RNF4: variants seen among roughly 807,000 people sequenced by gnomAD.
RNF4 encodes the protein E3 ubiquitin-protein ligase RNF4.
In RNF4, 7 loss-of-function variants were observed where a neutral mutation model predicts 24.3. That is an observed-to-expected ratio of 0.29 (90% CI 0.16 to 0.54). The LOEUF (loss-of-function observed/expected upper bound fraction) is 0.54, where lower values mean the gene tolerates loss of function less well. RNF4 is among the 20% of genes least tolerant of loss of function. The probability of loss-of-function intolerance (pLI) is 0.95; values close to 1 mark genes in which losing one functional copy is unlikely to be tolerated. For synonymous variants in RNF4, 83 were observed against 84.3 expected (o/e 0.98, Z 0.09); for missense variants, 209 against 248.5 (o/e 0.84, Z 1.07).
intron 2 of RNF4, 66 bp from the exon 3 acceptor site, chr4:2,496,941 T>G (rs1735755075): frequency 8.3e-7 from 1 of 1,200,934 alleles, no homozygotes; most frequent in Non-Finnish European, 1.2e-6. Flanking sequence ...TATTGCCCAT[T>G]TAGTTCTTCC....
intron 1 of RNF4, among the ~76,000 whole-genome samples, chr4:2,483,838 T>G (rs1735315250): frequency 6.6e-6 from 1 of 151,896 alleles, no homozygotes. Flanking sequence ...GATTTTTATT[T>G]ATTTATTTAT....
rs1048727 is a variant in RNF4 at position 2,515,496 on chromosome 4, A to G, written c.*1677A>G. On this transcript the variant is annotated 3_prime_UTR_variant, in exon 8 of 8. Transcript: ENST00000314289. ...TAACTTTCTTCTGGGCATCACGGCA[A>G]TGTCACGATGCCCAGACTTGGAGCA... 28,854 of 152,324 alleles carry G rather than the reference A, an allele frequency of 0.19. 3,350 individuals carry two copies. The highest frequency in any genetic ancestry group is 0.3 in the Middle Eastern group (89 of 294). The allele number at this position is 152,324 out of a possible 1,614,324, so 9.4% of individuals were successfully genotyped here.
At chr4:2,504,604 G>A (rs913078781) in intron 4 of RNF4, among the ~76,000 whole-genome samples, 3 of 151,280 alleles carry the variant, frequency 2.0e-5, no homozygotes, top group Admixed American at 2.0e-4. Flanking sequence ...AGGCTGGAGT[G>A]CAGTGGCGTG....
chr4:2,499,101 G>T (rs1226623314), intron 3 of RNF4, among the ~76,000 whole-genome samples: 1 of 151,768 alleles, frequency 6.6e-6, no homozygotes, highest in Non-Finnish European at 1.5e-5. Flanking sequence ...GGAGGTTGAT[G>T]CAGGAGAATC....
At chr4:2,489,337 C>T (rs1735510160) in intron 1 of RNF4, among the ~76,000 whole-genome samples, 1 of 152,178 alleles carries the variant, frequency 6.6e-6, no homozygotes, top group Non-Finnish European at 1.5e-5. Flanking sequence ...AGGAGGATGA[C>T]ACGGCACAGC....
At chr4:2,507,704 A>G (rs990127557) in intron 4 of RNF4, among the ~76,000 whole-genome samples, 1 of 152,178 alleles carries the variant, frequency 6.6e-6, no homozygotes, top group African/African-American at 2.4e-5. Flanking sequence ...CTGTGCTTTT[A>G]GAAGCACAAA....
At chr4:2,499,559 A>T in intron 3 of RNF4, 1 of 242,178 alleles carries the variant, frequency 4.1e-6, no homozygotes, top group Non-Finnish European at 8.4e-6. Context: ...TACAGGTGTG[A>T]ACCACTGTGC....
Position 2,494,032 on chromosome 4 carries a change from G to A in RNF4, c.10-2975G>A, listed in dbSNP as rs148003108. ...TACTTTTTGTGTTATTAGTAGAGAC[G>A]GGGTTTCAGCATCTTGGCCAGGCTG... On this transcript the variant is annotated intron_variant, in intron 2 of 7. Transcript: ENST00000314289. 1.5e-3 allele frequency among the ~76,000 whole-genome samples: 228 copies of A among 151,858 alleles called. 1 individual carries two copies. Among genetic ancestry groups the A allele is most frequent in the African/African-American group, 5.2e-3 (217 of 41,416 alleles).
At chr4:2,511,609 C>G (rs1385171476) in intron 4 of RNF4, among the ~76,000 whole-genome samples, 1 of 128,376 alleles carries the variant, frequency 7.8e-6, no homozygotes, top group African/African-American at 3.0e-5. Context: ...GCAGTCAGCA[C>G]ATGGTGTGGC....
rs749959103 is a variant in RNF4 at position 2,490,487 on chromosome 4, G to A, written c.-7G>A. On this transcript the variant is annotated 5_prime_UTR_variant, in exon 2 of 8. Transcript: ENST00000314289. The stretch of plus-strand genomic sequence containing the variant: ...TCTGTAGGAAAGGAAAGGCACCAAA[G>A]AGCACAATGAGTACAGTAAGTTTTA... The A allele has an allele frequency of 1.8e-5, 29 of 1,612,412 alleles. No individual in the cohort carries two copies. The highest frequency in any genetic ancestry group is 2.5e-5 in the Non-Finnish European group (29 of 1,179,228).
intron 4 of RNF4, among the ~76,000 whole-genome samples, chr4:2,504,112 C>T (rs1442606650): frequency 3.9e-5 from 6 of 152,106 alleles, no homozygotes; most frequent in Non-Finnish European, 1.5e-5. Flanking sequence ...TTCCAACTTT[C>T]GAAGGAATTC....
At chr4:2,493,370 G>A (rs1454977020) in intron 2 of RNF4, among the ~76,000 whole-genome samples, 2 of 152,158 alleles carry the variant, frequency 1.3e-5, no homozygotes, top group African/African-American at 2.4e-5. Context: ...GTAATTATCC[G>A]TGAGGGGAGA....
At chr4:2,475,275 C>G (rs1346184273) in intron 1 of RNF4, among the ~76,000 whole-genome samples, 1 of 152,244 alleles carries the variant, frequency 6.6e-6, no homozygotes, top group Non-Finnish European at 1.5e-5. Flanking sequence ...AAGAGATCCT[C>G]TCACCTCAGC....
chr4:2,488,308 A>G (rs2108759505), intron 1 of RNF4, among the ~76,000 whole-genome samples: 1 of 152,310 alleles, frequency 6.6e-6, no homozygotes, highest in African/African-American at 2.4e-5. Context: ...TACTAAAAGT[A>G]GAAAAATTAG....
rs1736314193 is a variant in RNF4 at position 2,513,080 on chromosome 4, T to C, written c.375-3T>C. ...AAACTAACGTGAAGCACTGTGCTCT[T>C]AGGCCCTCAGGTACTGTCAGTTGTC... On this transcript the variant is annotated splice_polypyrimidine_tract_variant and splice_region_variant and intron_variant, in intron 6 of 7. Coordinates refer to ENST00000314289, the MANE Select transcript of RNF4 (RefSeq NM_002938.5). The C allele has an allele frequency of 6.2e-7, 1 of 1,613,768 alleles. No individual in the cohort carries two copies. Among genetic ancestry groups the C allele is most frequent in the African/African-American group, 1.3e-5 (1 of 75,034 alleles).
intron 1 of RNF4, among the ~76,000 whole-genome samples, chr4:2,483,530 G>A (rs555214129): frequency 6.6e-6 from 1 of 152,302 alleles, no homozygotes; most frequent in Non-Finnish European, 1.5e-5. Context: ...GTGAACAGGT[G>A]CGGTGGCTCA....
intron 1 of RNF4, among the ~76,000 whole-genome samples, chr4:2,482,177 T>C (rs886608067): frequency 1.3e-5 from 2 of 152,238 alleles, no homozygotes; most frequent in Admixed American, 6.5e-5. Context: ...AGGCCCCCTC[T>C]GGTGTGCCCT....
chr4:2,502,374 G>A (rs1241598135), intron 4 of RNF4, among the ~76,000 whole-genome samples: 4 of 152,100 alleles, frequency 2.6e-5, no homozygotes, highest in African/African-American at 9.7e-5. Flanking sequence ...TCACACTTGT[G>A]TTTTCTTTTG....
At chr4:2,510,073 C>T (rs763190952) in intron 4 of RNF4, among the ~76,000 whole-genome samples, 39 of 152,214 alleles carry the variant, frequency 2.6e-4, no homozygotes, top group Non-Finnish European at 4.7e-4. Flanking sequence ...TCACCGTCTG[C>T]AGTCTCCTCT....
Sources: gnomAD v4.1 joint callset for allele counts (sites outside exome capture counted in the v4.1 genomes callset) on GRCh38, gnomAD v4.1.1 for gene constraint, MANE v1.5 for transcripts, NCBI Gene and HGNC (gene_info 2026-07-23, HGNC 2026-07-21) for gene names.